Variants in SNX29 observed in about 807,000 individuals in gnomAD.
The protein encoded by SNX29 is sorting nexin 29.
SNX29 carries 78 observed loss-of-function variants against 102.1 expected under a neutral mutation model. The ratio of observed to expected loss-of-function variants is 0.76; its 90% CI spans 0.64 to 0.92. The LOEUF is 0.92. Among genes scored for constraint, SNX29 ranks in the 40% least tolerant of loss-of-function variants. The pLI, the probability that SNX29 is intolerant of heterozygous loss-of-function variation, is 0.00. For missense variants in SNX29, 1,280 were observed against 1,061.7 expected, an observed-to-expected ratio of 1.21 and a Z score of -2.86; for synonymous variants, 580 against 414.5, an observed-to-expected ratio of 1.40 and a Z score of -4.85.
At chr16:12,200,299 G>T (rs1041336418) in intron 14 of SNX29, among the ~76,000 whole-genome samples, 2 of 152,118 alleles carry the variant, frequency 1.3e-5, no homozygotes, top group African/African-American at 2.4e-5. Flanking sequence ...GCCAAATGAG[G>T]TGGGGCCATC....
chr16:12,220,764 A>G (rs1017951272), intron 14 of SNX29, among the ~76,000 whole-genome samples: 1 of 152,228 alleles, frequency 6.6e-6, no homozygotes, highest in Non-Finnish European at 1.5e-5. Flanking sequence ...TAAGCTTCTT[A>G]TAATAGCTGA....
intron 3 of SNX29, among the ~76,000 whole-genome samples, chr16:12,013,504 T>A (rs1178256694): frequency 0.23 from 5,068 of 22,256 alleles, 749 homozygotes; most frequent in Non-Finnish European, 0.29. Context: ...AAAAAAAATA[T>A]ATATATATAT....
intron 19 of SNX29, among the ~76,000 whole-genome samples, chr16:12,492,797 C>A (rs901405673): frequency 6.6e-6 from 1 of 152,170 alleles, no homozygotes; most frequent in African/African-American, 2.4e-5. Context: ...AATCCTTTCC[C>A]CATTGCTTGT....
At chr16:12,185,190 A>G (rs1204765873) in intron 13 of SNX29, among the ~76,000 whole-genome samples, 1 of 152,148 alleles carries the variant, frequency 6.6e-6, no homozygotes, top group Non-Finnish European at 1.5e-5. Flanking sequence ...TGGAATTCCT[A>G]CAGGGGCCAG....
intron 15 of SNX29, among the ~76,000 whole-genome samples, chr16:12,291,931 C>G (rs769973846): frequency 2.0e-3 from 304 of 152,294 alleles, no homozygotes; most frequent in Non-Finnish European, 3.5e-3. Flanking sequence ...AGAATCAGCC[C>G]TCTCCCTTGC....
chr16:12,105,806 A>T (rs916834674), intron 11 of SNX29, among the ~76,000 whole-genome samples: 1 of 152,118 alleles, frequency 6.6e-6, no homozygotes, highest in Non-Finnish European at 1.5e-5. Flanking sequence ...GAGTGGAGAG[A>T]TTAGCTTGGA....
chr16:12,081,602 G>A (rs1358372100), intron 11 of SNX29: 1 of 148,324 alleles, frequency 6.7e-6, no homozygotes, highest in Non-Finnish European at 1.5e-5. Flanking sequence ...AACCCCGGGA[G>A]GTGGAGGTTG....
At chr16:12,435,988 G>A (rs76889233) in intron 18 of SNX29, among the ~76,000 whole-genome samples, 2 of 152,308 alleles carry the variant, frequency 1.3e-5, no homozygotes, top group East Asian at 3.9e-4. Context: ...TCTGGGCCTT[G>A]GGGTTGGATT....
intron 13 of SNX29, among the ~76,000 whole-genome samples, chr16:12,152,216 A>G (rs1028135964): frequency 5.9e-5 from 9 of 151,944 alleles, no homozygotes; most frequent in African/African-American, 2.2e-4. Context: ...GCAAGACCCT[A>G]TCTTAAAAAA....
At chr16:12,042,343 A>G (rs973925754) in intron 4 of SNX29, among the ~76,000 whole-genome samples, 10 of 152,100 alleles carry the variant, frequency 6.6e-5, no homozygotes, top group Admixed American at 5.9e-4. Flanking sequence ...TTTTTATTTT[A>G]GATTCAGCGG....
At chr16:12,480,783 G>T (rs1467597900) in intron 19 of SNX29, among the ~76,000 whole-genome samples, 1 of 152,170 alleles carries the variant, frequency 6.6e-6, no homozygotes, top group African/African-American at 2.4e-5. Flanking sequence ...CTGAGGAGTG[G>T]GAGGGTTTTT....
intron 11 of SNX29, chr16:12,088,134 C>A (rs1253257914): frequency 2.2e-6 from 1 of 456,660 alleles, no homozygotes; most frequent in Non-Finnish European, 4.4e-6. Context: ...AGGGCACCAG[C>A]TCAGTCTCTG....
At chr16:12,546,592 G>A (rs191015863) in intron 20 of SNX29, 12 of 152,326 alleles carry the variant, frequency 7.9e-5, no homozygotes, top group African/African-American at 2.6e-4. Flanking sequence ...CCCACCCAAG[G>A]ATAATACAGG....
At chr16:12,003,169 T>C in intron 3 of SNX29, 126 bp downstream of exon 3, 1 of 1,161,270 alleles carries the variant, frequency 8.6e-7, no homozygotes, top group East Asian at 2.3e-5. Flanking sequence ...TTCTGGGCTC[T>C]GCCTCTGCAG....
At chr16:12,540,863 T>C (rs148817883) in intron 20 of SNX29, among the ~76,000 whole-genome samples, 1 of 152,204 alleles carries the variant, frequency 6.6e-6, no homozygotes, top group Non-Finnish European at 1.5e-5. Context: ...TGAGCAGGAG[T>C]GCCCTTTTCC....
intron 3 of SNX29, among the ~76,000 whole-genome samples, chr16:12,006,214 A>G (rs1226717585): frequency 6.7e-6 from 1 of 148,732 alleles, no homozygotes; most frequent in East Asian, 1.9e-4. Context: ...TAAAATAATA[A>G]TAATAATAAT....
chr16:12,345,619 G>T (rs2081774449), intron 15 of SNX29, among the ~76,000 whole-genome samples: 1 of 152,200 alleles, frequency 6.6e-6, no homozygotes, highest in Non-Finnish European at 1.5e-5. Context: ...ACTACTACTG[G>T]GGGATGATCT....
intron 20 of SNX29, among the ~76,000 whole-genome samples, chr16:12,548,102 T>G (rs368336576): frequency 2.6e-5 from 4 of 152,206 alleles, no homozygotes; most frequent in East Asian, 1.9e-4. Flanking sequence ...TAAGGGACAT[T>G]GAGGTCTATT....
intron 20 of SNX29, among the ~76,000 whole-genome samples, chr16:12,558,640 C>G (rs1598034440): frequency 6.6e-6 from 1 of 152,234 alleles, no homozygotes; most frequent in African/African-American, 2.4e-5. Context: ...TTAAAAGAAA[C>G]CTATTCTCCA....
Sources: gnomAD v4.1 joint callset for allele counts (sites outside exome capture counted in the v4.1 genomes callset) on GRCh38, gnomAD v4.1.1 for gene constraint, MANE v1.5 for transcripts, NCBI Gene and HGNC (gene_info 2026-07-23, HGNC 2026-07-21) for gene names.